DNAH6: variants seen among roughly 807,000 people sequenced by gnomAD.
The protein encoded by DNAH6 is axonemal beta dynein heavy chain 6.
DNAH6 carries 340 observed loss-of-function variants against 491.4 expected under a neutral mutation model. The ratio of observed to expected loss-of-function variants is 0.69; its 90% CI spans 0.63 to 0.76. The LOEUF (loss-of-function observed/expected upper bound fraction) is 0.76. DNAH6 is among the 30% of genes least tolerant of loss of function. The probability of loss-of-function intolerance (pLI) is 0.00; values close to 1 mark genes in which losing one functional copy is unlikely to be tolerated. For synonymous variants in DNAH6, 1,603 were observed against 1,686.1 expected (o/e 0.95, Z 1.21); for missense variants, 4,443 against 4,972.2 (o/e 0.89, Z 3.20).
At chr2:84,485,714 T>C in the DNAH6 span, among the ~76,000 whole-genome samples, 1 of 152,048 alleles carries the variant, frequency 6.6e-6, no homozygotes, top group Non-Finnish European at 1.5e-5. Context: ...CCCAGTTCAG[T>C]GTTCAACCCA....
intron 12 of DNAH6, among the ~76,000 whole-genome samples, chr2:84,574,428 C>A (rs1455693301): frequency 3.3e-5 from 5 of 152,138 alleles, no homozygotes; most frequent in Non-Finnish European, 7.3e-5. Context: ...TCCTTAATAT[C>A]TTAACTTATT....
At position 84,624,358 on chromosome 2, in the gene DNAH6, A is replaced by G; in HGVS notation, c.4165A>G (p.Arg1389Gly). Residue 1389 changes from arginine (R) to glycine (G), a missense_variant, in exon 27 of 77, where the codon AGA becomes GGA. Physicochemically the swap from Arg to Gly is moderately radical, Grantham distance 125. Transcript: ENST00000389394. ...ATTGATTACTATTGATGTGCATGCA[A>G]GAGATATAGTCACTGAACTTGTTCA... ...TALITIDVHARDIVTELVQSK... is the reference protein window; with the variant it reads ...TALITIDVHAGDIVTELVQSK... 3 of 1,549,386 alleles carry G rather than the reference A, an allele frequency of 1.9e-6. No individual in the cohort carries two copies. The highest frequency in any genetic ancestry group is 2.6e-6 in the Non-Finnish European group (3 of 1,145,116).
chr2:84,489,622 C>G, the DNAH6 span, among the ~76,000 whole-genome samples: 1 of 152,018 alleles, frequency 6.6e-6, no homozygotes, highest in African/African-American at 2.4e-5. Context: ...TAAAGAAGCT[C>G]TATAAAATTA....
chr2:84,577,473 A>G, intron 13 of DNAH6, 65 bp downstream of exon 13: 1 of 1,163,354 alleles, frequency 8.6e-7, no homozygotes, highest in South Asian at 1.9e-5. Flanking sequence ...TTTCTACTGC[A>G]CAAAAACCTA....
intron 5 of DNAH6, 31 bp from the exon 6 acceptor site, chr2:84,547,237 T>C (rs1440910205): frequency 2.0e-6 from 3 of 1,469,588 alleles, no homozygotes; most frequent in Non-Finnish European, 2.7e-6. Flanking sequence ...AGAATATTTT[T>C]ACTAAATAAT....
intron 63 of DNAH6, among the ~76,000 whole-genome samples, chr2:84,754,972 A>G (rs1192337862): frequency 1.3e-5 from 2 of 152,208 alleles, no homozygotes; most frequent in Non-Finnish European, 2.9e-5. Flanking sequence ...ACAATATTTC[A>G]TAGTTCTCAG....
At chr2:84,505,095 A>G in the DNAH6 span, among the ~76,000 whole-genome samples, 12 of 152,048 alleles carry the variant, frequency 7.9e-5, no homozygotes, top group Non-Finnish European at 1.5e-5. Context: ...ATTTCTACAT[A>G]TTTTATCATT....
chr2:84,698,456 G>T (rs1695592526), intron 47 of DNAH6, among the ~76,000 whole-genome samples: 1 of 152,200 alleles, frequency 6.6e-6, no homozygotes, highest in Admixed American at 6.5e-5. Flanking sequence ...GTACACTGTA[G>T]AAGTCAATGG....
chr2:84,634,154 A>T (rs967695522), intron 29 of DNAH6, among the ~76,000 whole-genome samples: 8 of 152,042 alleles, frequency 5.3e-5, no homozygotes, highest in African/African-American at 1.9e-4. Context: ...CATTAGTAAA[A>T]TTTTTCAAGT....
chr2:84,756,185 T>C (rs1326273827), intron 63 of DNAH6, among the ~76,000 whole-genome samples: 1 of 152,216 alleles, frequency 6.6e-6, no homozygotes, highest in Non-Finnish European at 1.5e-5. Context: ...TCCTAGTATG[T>C]GGAGTGTTTC....
At chr2:84,612,087 T>C (rs920199620) in intron 22 of DNAH6, among the ~76,000 whole-genome samples, 1 of 152,042 alleles carries the variant, frequency 6.6e-6, no homozygotes, top group Non-Finnish European at 1.5e-5. Context: ...TAGTTTGTAG[T>C]TTCGGAAAAG....
intron 70 of DNAH6, among the ~76,000 whole-genome samples, chr2:84,803,102 A>G (rs1230816950): frequency 6.6e-6 from 1 of 152,244 alleles, no homozygotes; most frequent in African/African-American, 2.4e-5. Flanking sequence ...GCCTACATCA[A>G]AAAGGTATTA....
chr2:84,778,592 C>G (rs913142902), intron 64 of DNAH6, among the ~76,000 whole-genome samples: 1 of 151,934 alleles, frequency 6.6e-6, no homozygotes, highest in Non-Finnish European at 1.5e-5. Flanking sequence ...CTCAACCTCC[C>G]CAGGGTCAGG....
chr2:84,530,160 A>G (rs1247511553), intron 4 of DNAH6, among the ~76,000 whole-genome samples: 1 of 152,158 alleles, frequency 6.6e-6, no homozygotes, highest in African/African-American at 2.4e-5. Context: ...CCCTCATGGA[A>G]CTGACATTTT....
chr2:84,692,609 C>T (rs1694978605), intron 45 of DNAH6, among the ~76,000 whole-genome samples: 2 of 152,124 alleles, frequency 1.3e-5, no homozygotes, highest in South Asian at 4.1e-4. Context: ...TATTTTATGT[C>T]TTCTTAAGAA....
chr2:84,568,067 C>T (rs573915009), intron 11 of DNAH6, among the ~76,000 whole-genome samples: 6 of 152,154 alleles, frequency 3.9e-5, no homozygotes, highest in African/African-American at 7.2e-5. Flanking sequence ...ATTATTAAAA[C>T]GTTAAGAAAC....
At position 84,653,669 on chromosome 2, in the gene DNAH6, TG is replaced by T; in HGVS notation, c.5431del (p.Glu1811AsnfsTer6). On this transcript the variant is annotated frameshift_variant, in exon 34 of 77. Transcript: ENST00000389394. LOFTEE classifies it high-confidence loss of function. ...TATGGAGAGGTTAATAACTTAACCTTGGAATGGAAAGATGGTTTGATGGCAC... is the reference window on the plus strand; with the variant it reads ...TATGGAGAGGTTAATAACTTAACCTTGAATGGAAAGATGGTTTGATGGCAC... ...ELYGEVNNLT[L>X]EWKDGLMALS... 1 of 1,551,206 alleles carries T rather than the reference TG, an allele frequency of 6.4e-7. No individual in the cohort carries two copies. Among genetic ancestry groups the T allele is most frequent in the Non-Finnish European group, 8.7e-7 (1 of 1,146,704 alleles).
chr2:84,680,342 A>T (rs1693662869), intron 41 of DNAH6, among the ~76,000 whole-genome samples: 1 of 152,182 alleles, frequency 6.6e-6, no homozygotes, highest in Non-Finnish European at 1.5e-5. Context: ...AAAAACAATA[A>T]TGATTTTTCC....
rs748366653 is a variant in DNAH6 at position 84,651,598 on chromosome 2, C to CT, written c.5079-1711dup. ...TAAAGACAGTAAGCTTTTCCTGGGG[C>CT]TTTTTTTTTTAAATCTGTGCCCATT... On this transcript the variant is annotated intron_variant, in intron 33 of 76. Coordinates refer to ENST00000389394, the MANE Select transcript of DNAH6 (RefSeq NM_001370.2). Among the ~76,000 whole-genome samples, 160 of 147,552 alleles carry CT rather than the reference C, an allele frequency of 1.1e-3. 1 individual carries two copies. Among genetic ancestry groups the CT allele is most frequent in the African/African-American group, 2.7e-3 (110 of 40,362 alleles).
Sources: gnomAD v4.1 joint callset for allele counts (sites outside exome capture counted in the v4.1 genomes callset) on GRCh38, gnomAD v4.1.1 for gene constraint, MANE v1.5 for transcripts, NCBI Gene and HGNC (gene_info 2026-07-23, HGNC 2026-07-21) for gene names.